The following DISP2 variants were observed in gnomAD, a reference collection of about 807,000 sequenced individuals.
The protein encoded by DISP2 is protein dispatched homolog 2.
Under a neutral mutation model 95.5 loss-of-function variants are expected in DISP2, and 59 were observed. The observed-to-expected ratio is 0.62, with a 90% CI of 0.50 to 0.77. The LOEUF (loss-of-function observed/expected upper bound fraction) is 0.77. Among genes scored for constraint, DISP2 ranks in the 30% least tolerant of loss-of-function variants. The probability of loss-of-function intolerance (pLI) is 0.00; values close to 1 mark genes in which losing one functional copy is unlikely to be tolerated. For missense variants in DISP2, 1,752 were observed against 1,854.6 expected (o/e 0.94, Z 1.02); for synonymous variants, 827 against 815.0 (o/e 1.01, Z -0.25).
rs1328236172 is a variant in DISP2, at chr15:40,370,691, G to C, written c.*373G>C. The C allele has an allele frequency of 2.1e-6, 1 of 487,396 alleles. No individual in the cohort carries two copies. Among genetic ancestry groups the C allele is most frequent in the East Asian group, 6.1e-5 (1 of 16,528 alleles). The allele number at this position is 487,396 out of a possible 1,614,324, so 30.2% of individuals were successfully genotyped here. A position where few individuals can be genotyped will look rare whatever the true frequency, so the allele number is the denominator to read the frequency against. On this transcript the variant is annotated 3_prime_UTR_variant, in exon 8 of 8. Coordinates refer to ENST00000267889, the MANE Select transcript of DISP2 (RefSeq NM_033510.3). ...TTACAAGAACTTCAGTGAGACTAAG[G>C]GACCCCCATCCTAGGGATCTTGTCA...
At position 40,369,879 on chromosome 15, in the gene DISP2, A is replaced by C; in HGVS notation, c.3767A>C (p.Glu1256Ala). Residue 1256 changes from glutamate (E) to alanine (A), a missense_variant, in exon 8 of 8, where the codon GAG becomes GCG. This residue lies in a region of DISP2 where 347 missense variants were observed against 344.2 expected (regional missense o/e 1.01). Coordinates refer to ENST00000267889, the MANE Select transcript of DISP2 (RefSeq NM_033510.3). Reference protein sequence around the residue: ...TRARQDSQGEEAEPLPASPEA... With the variant: ...TRARQDSQGEAAEPLPASPEA... The stretch of plus-strand genomic sequence containing the variant: ...GCCAGGCAGGACTCCCAAGGGGAGG[A>C]GGCTGAGCCCCTGCCAGCCTCACCA... The C allele has an allele frequency of 4.5e-6, 7 of 1,564,502 alleles. No individual in the cohort carries two copies. Among genetic ancestry groups the C allele is most frequent in the Non-Finnish European group, 6.1e-6 (7 of 1,154,010 alleles).
chr15:40,363,992 A>C (rs756233199), intron 2 of DISP2, 38 bp downstream of exon 2: 70 of 1,513,064 alleles, frequency 4.6e-5, no homozygotes, highest in Non-Finnish European at 6.0e-5. Flanking sequence ...CTGCCACTGG[A>C]AAATGCGGTG....
In DISP2 at chr15:40,358,219, A is replaced by G; in HGVS notation, c.-103A>G. The G allele has an allele frequency of 4.1e-6, 3 of 739,044 alleles. No homozygotes were observed. The highest frequency in any genetic ancestry group is 5.2e-6 in the Non-Finnish European group (3 of 576,912). 45.8% of individuals were successfully genotyped at this position (739,044 alleles called of 1,614,324 possible). A position where few individuals can be genotyped will look rare whatever the true frequency, so the allele number is the denominator to read the frequency against. On this transcript the variant is annotated 5_prime_UTR_variant, in exon 1 of 8. An upstream start codon of the reference 5' UTR is lost. Coordinates refer to ENST00000267889, the MANE Select transcript of DISP2 (RefSeq NM_033510.3). ...CGACCGGCCCGCTCAGAGCCTACGC[A>G]TGCGCACGAGCACCCCGCCGCCGCT...
At chr15:40,361,407 TC>T (rs1889403847) in intron 1 of DISP2, among the ~76,000 whole-genome samples, 1 of 152,232 alleles carries the variant, frequency 6.6e-6, no homozygotes, top group Non-Finnish European at 1.5e-5. Flanking sequence ...AAACGTGTCT[TC>T]CACGTGACAG....
In DISP2 at chr15:40,374,014, A is replaced by AAAAAAAAAAAAAAAATATATATAT; in HGVS notation, c.*3697_*3698insAAAAAAAAAAAAAATATATATATA. 9.6e-6 allele frequency: 1 copy of AAAAAAAAAAAAAAAATATATATAT among 104,192 alleles called. No individual in the cohort carries two copies. The highest frequency in any genetic ancestry group is 4.2e-5 in the African/African-American group (1 of 23,938). The allele number at this position is 104,192 out of a possible 1,614,324, so 6.5% of individuals were successfully genotyped here. A position where few individuals can be genotyped will look rare whatever the true frequency, so the allele number is the denominator to read the frequency against. On this transcript the variant is annotated 3_prime_UTR_variant, in exon 8 of 8. Transcript: ENST00000267889. ...GCGAGACTCCATCTTAAAAAAAAAA[A>AAAAAAAAAAAAAAAATATATATAT]ATATATATATATATATATGTAAACT...
At position 40,368,781 on chromosome 15, in the gene DISP2, TG is replaced by T. The variant is rs759659789; in HGVS notation, c.2672del (p.Gly891AspfsTer61). 6.2e-7 allele frequency: 1 copy of T among 1,613,878 alleles called. No individual in the cohort carries two copies. The highest frequency in any genetic ancestry group is 8.5e-7 in the Non-Finnish European group (1 of 1,180,026). The stretch of plus-strand genomic sequence containing the variant: ...CAAGGCCCCGATGGCACCCAGGACC[TG>T]GGACTCCGCTTTGATGCCCATGGCA... ...LEQGPDGTQD[L>X]GLRFDAHGSL... On this transcript the variant is annotated frameshift_variant, in exon 8 of 8. Coordinates refer to ENST00000267889, the MANE Select transcript of DISP2 (RefSeq NM_033510.3). LOFTEE classifies it high-confidence loss of function.
Position 40,367,484 on chromosome 15 carries a change from A to T in DISP2, c.1372A>T (p.Thr458Ser). Residue 458 changes from threonine (T) to serine (S), a missense_variant, in exon 8 of 8, where the codon ACC (threonine) becomes TCC (serine). Physicochemically the swap from Thr to Ser is moderately conservative, Grantham distance 58. This residue lies in a region of DISP2 where 732 missense variants were observed against 714.6 expected (regional missense o/e 1.02). Transcript: ENST00000267889. ...LMDIYLDRLA[T>S]PWGLADNYTS... ...GGACATCTACCTGGACCGGCTGGCC[A>T]CCCCCTGGGGGCTTGCTGACAACTA... is the stretch of plus-strand genomic sequence containing the variant. 6.2e-7 allele frequency: 1 copy of T among 1,613,008 alleles called. No homozygotes were observed. The highest frequency in any genetic ancestry group is 1.3e-5 in the African/African-American group (1 of 74,642).
rs1157463737 is a variant in DISP2 at position 40,369,782 on chromosome 15, G to A, written c.3670G>A (p.Val1224Ile). ...GGAGCTGCTGCTGGACCACCAGGCA[G>A]TCTTCAGCCAGTGCCCTGCCCTGCA... ...PRELLLDHQA[V>I]FSQCPALQTS... is the part of the protein sequence containing the mutation. Residue 1224 changes from valine to isoleucine, a missense_variant, in exon 8 of 8, where the codon GTC becomes ATC. Physicochemically the swap from Val to Ile is conservative, Grantham distance 29. Around this residue, in one of 5 missense-constraint regions of DISP2, gnomAD observed 347 missense variants for 344.2 expected, o/e 1.01. Transcript: ENST00000267889. The A allele has an allele frequency of 1.2e-6, 2 of 1,604,292 alleles. No homozygotes were observed. The highest frequency in any genetic ancestry group is 1.7e-5 in the Admixed American group (1 of 59,860).
In DISP2 at chr15:40,368,612, A is replaced by G. The variant is rs1889562815; in HGVS notation, c.2500A>G (p.Thr834Ala). ...FFDTLQEGWPTLCFVETLQRW... is the reference protein window; with the variant it reads ...FFDTLQEGWPALCFVETLQRW... ...CGACACCCTGCAGGAAGGCTGGCCC[A>G]CGCTGTGTTTCGTGGAGACCCTCCA... Residue 834 changes from threonine to alanine, a missense_variant, in exon 8 of 8, where the codon ACG becomes GCG. Thr to Ala is a moderately conservative substitution (Grantham distance 58). Around this residue, in one of 5 missense-constraint regions of DISP2, gnomAD observed 317 missense variants for 394.9 expected, o/e 0.80. Transcript: ENST00000267889. 5 of 1,607,118 alleles carry G rather than the reference A, an allele frequency of 3.1e-6. No homozygotes were observed. The highest frequency in any genetic ancestry group is 4.2e-6 in the Non-Finnish European group (5 of 1,179,972).
Position 40,362,229 on chromosome 15 carries a change from G to C in DISP2, c.120-1396G>C, listed in dbSNP as rs535325669. Among the ~76,000 whole-genome samples, 18 of 152,326 alleles carry C rather than the reference G, an allele frequency of 1.2e-4. No homozygotes were observed. In the South Asian group the frequency reaches 3.5e-3, roughly 30 times the overall value. The stretch of plus-strand genomic sequence containing the variant: ...GCTCCGTGCTCCATGGCCCATGACA[G>C]GGTAGGTGGAGGGATGGCAGTTGCT... On this transcript the variant is annotated intron_variant, in intron 1 of 7. Coordinates refer to ENST00000267889, the MANE Select transcript of DISP2 (RefSeq NM_033510.3).
chr15:40,363,757 A>T lies in DISP2; in HGVS notation c.252A>T (p.Pro84=). The T allele has an allele frequency of 6.2e-7, 1 of 1,613,854 alleles. No individual in the cohort carries two copies. Among genetic ancestry groups the T allele is most frequent in the Non-Finnish European group, 8.5e-7 (1 of 1,179,894 alleles). The change falls in exon 2 of 8, where the codon CCA becomes CCT. Residue 84 remains proline (P), a synonymous_variant. Coordinates refer to ENST00000267889, the MANE Select transcript of DISP2 (RefSeq NM_033510.3). ...PTTSTLQPVG[P]SSPLAPAHFT... ...CTTCCACCCTCCAGCCTGTGGGTCC[A>T]TCCAGCCCCTTGGCCCCTGCCCACT...
chr15:40,358,691 G>A (rs1164031589), intron 1 of DISP2, among the ~76,000 whole-genome samples: 5 of 151,442 alleles, frequency 3.3e-5, no homozygotes, highest in Non-Finnish European at 7.4e-5. Flanking sequence ...CCCCACCCAC[G>A]GCTCCTACCC....
At position 40,367,915 on chromosome 15, in the gene DISP2, C is replaced by T. The variant is rs767695581; in HGVS notation, c.1803C>T (p.Ser601=). 12 of 1,596,272 alleles carry T rather than the reference C, an allele frequency of 7.5e-6. No individual in the cohort carries two copies. In the Admixed American group the frequency reaches 1.2e-4, roughly 16 times the overall value. ...YLLLVSGLTT[S]AAFYASYLSR... ...TGCTGGTCTCCGGCCTCACCACGAGCGCGGCCTTCTATGCCAGCTACCTGA... is the reference window on the plus strand; with the variant it reads ...TGCTGGTCTCCGGCCTCACCACGAGTGCGGCCTTCTATGCCAGCTACCTGA... The change falls in exon 8 of 8, where the codon AGC becomes AGT. Residue 601 remains serine, a synonymous_variant. Coordinates refer to ENST00000267889, the MANE Select transcript of DISP2 (RefSeq NM_033510.3).
chr15:40,366,899 A>T (rs1889504783), intron 7 of DISP2, among the ~76,000 whole-genome samples, 159 bp from the exon 8 acceptor site: 1 of 152,192 alleles, frequency 6.6e-6, no homozygotes, highest in Non-Finnish European at 1.5e-5. Context: ...CCAGGAGCCA[A>T]AGGCAGCTGG....
intron 1 of DISP2, among the ~76,000 whole-genome samples, chr15:40,359,207 G>A (rs545812841): frequency 4.5e-4 from 68 of 152,308 alleles, no homozygotes; most frequent in African/African-American, 1.4e-3. Flanking sequence ...GCCCTGCCTG[G>A]CTCTGCCGCC....
Position 40,358,294 on chromosome 15 carries a change from C to T in DISP2, c.-28C>T, listed in dbSNP as rs1023632770. 3.9e-6 allele frequency: 5 copies of T among 1,265,942 alleles called. No homozygotes were observed. Among genetic ancestry groups the T allele is most frequent in the African/African-American group, 1.5e-5 (1 of 64,540 alleles). 78.4% of individuals were successfully genotyped at this position (1,265,942 alleles called of 1,614,324 possible). On this transcript the variant is annotated 5_prime_UTR_variant, in exon 1 of 8. Coordinates refer to ENST00000267889, the MANE Select transcript of DISP2 (RefSeq NM_033510.3). Reference sequence around the variant, plus strand: ...GCCGCCGCCGCGGCTTCAGCACCAGCGCCCGGACAGCGGTGCCGCCCACGG... The same window carrying T: ...GCCGCCGCCGCGGCTTCAGCACCAGTGCCCGGACAGCGGTGCCGCCCACGG...
intron 1 of DISP2, among the ~76,000 whole-genome samples, chr15:40,358,717 G>A (rs1595722672): frequency 6.6e-6 from 1 of 152,078 alleles, no homozygotes; most frequent in South Asian, 2.1e-4. Flanking sequence ...CTCAGGCCAG[G>A]ACTCCCTGGC....
chr15:40,363,537 C>A, intron 1 of DISP2, 88 bp from the exon 2 acceptor site: 1 of 990,394 alleles, frequency 1.0e-6, no homozygotes, highest in South Asian at 1.9e-5. Flanking sequence ...GTCCCCTTGT[C>A]TTGTCTTACT....
Position 40,371,515 on chromosome 15 carries a change from AGAG to A in DISP2, c.*1199_*1201del, listed in dbSNP as rs1325015633. The A allele has an allele frequency of 6.6e-6, 1 of 152,286 alleles. No individual in the cohort carries two copies. The highest frequency in any genetic ancestry group is 1.5e-5 in the Non-Finnish European group (1 of 68,084). The allele number at this position is 152,286 out of a possible 1,614,324, so 9.4% of individuals were successfully genotyped here. A position where few individuals can be genotyped will look rare whatever the true frequency, so the allele number is the denominator to read the frequency against. On this transcript the variant is annotated 3_prime_UTR_variant, in exon 8 of 8. Transcript: ENST00000267889. ...ACAGTGTATAAGAGGCCCCACCAGAAGAGGTACTGAGGGGCAGAAGAGGTGAAG... is the reference window on the plus strand; with the variant it reads ...ACAGTGTATAAGAGGCCCCACCAGAAGTACTGAGGGGCAGAAGAGGTGAAG...
Sources: gnomAD v4.1 joint callset for allele counts (sites outside exome capture counted in the v4.1 genomes callset) on GRCh38, gnomAD v4.1.1 for gene constraint, gnomAD v4.1.1 regional missense constraint, MANE v1.5 for transcripts, NCBI Gene and HGNC (gene_info 2026-07-23, HGNC 2026-07-21) for gene names.